BBX: variants seen among roughly 807,000 people sequenced by gnomAD.
BBX encodes BBX high mobility group box domain containing, also known as HMG box transcription factor BBX.
BBX carries 30 observed loss-of-function variants against 100.2 expected under a neutral mutation model. That is an observed-to-expected ratio of 0.30 (90% CI 0.22 to 0.41). The LOEUF (loss-of-function observed/expected upper bound fraction) is 0.41. BBX is among the 10% of genes least tolerant of loss of function. The pLI, the probability that BBX is intolerant of heterozygous loss-of-function variation, is 1.00. For missense variants in BBX, 1,023 were observed against 1,129.8 expected (o/e 0.91, Z 1.35); for synonymous variants, 376 against 388.1 (o/e 0.97, Z 0.37).
At chr3:107,798,850 AC>A (rs1055374816) in intron 16 of BBX, 130 bp downstream of exon 16, 16 of 1,007,536 alleles carry the variant, frequency 1.6e-5, no homozygotes, top group African/African-American at 6.6e-5. Flanking sequence ...AAAAAAAAAA[AC>A]AAAAACAAAA....
chr3:107,666,405 C>A (rs950462486), intron 3 of BBX, among the ~76,000 whole-genome samples: 1 of 152,054 alleles, frequency 6.6e-6, no homozygotes, highest in Non-Finnish European at 1.5e-5. Context: ...TTAAGTCTTG[C>A]AACTTTTAGC....
chr3:107,735,535 G>T (rs557731901), intron 7 of BBX, among the ~76,000 whole-genome samples: 7 of 152,050 alleles, frequency 4.6e-5, no homozygotes, highest in Admixed American at 6.5e-5. Flanking sequence ...GTTTTCTTTT[G>T]TTCACTGACT....
chr3:107,663,496 C>G (rs41379250), intron 3 of BBX, among the ~76,000 whole-genome samples: 2,223 of 152,250 alleles, frequency 0.015, 55 homozygotes, highest in African/African-American at 0.051. Context: ...CATTGCCTCT[C>G]TTTACCCCCT....
chr3:107,606,771 A>G (rs1559866606), intron 2 of BBX, among the ~76,000 whole-genome samples: 1 of 152,146 alleles, frequency 6.6e-6, no homozygotes, highest in Non-Finnish European at 1.5e-5. Flanking sequence ...CCATCACCTC[A>G]AGTCTTTATC....
At chr3:107,596,890 T>G (rs1458511798) in intron 2 of BBX, among the ~76,000 whole-genome samples, 6 of 152,220 alleles carry the variant, frequency 3.9e-5, no homozygotes, top group South Asian at 2.1e-4. Flanking sequence ...TTCTTTGGTT[T>G]GTTTGTTAGT....
intron 2 of BBX, among the ~76,000 whole-genome samples, chr3:107,545,541 G>C (rs1258249767): frequency 6.6e-6 from 1 of 152,208 alleles, no homozygotes; most frequent in Non-Finnish European, 1.5e-5. Flanking sequence ...GAATGTGCTT[G>C]TATGACTGCT....
Position 107,808,478 on chromosome 3 carries a change from C to T in BBX, c.*3021C>T, listed in dbSNP as rs910303060. On this transcript the variant is annotated 3_prime_UTR_variant, in exon 18 of 18. Transcript: ENST00000325805. ...TAGAAGATTGCGTCTCAGATGGAGA[C>T]GCAGTACTGTTCCAGTTTTCTTTAG... 2 of 152,192 alleles carry T rather than the reference C, an allele frequency of 1.3e-5. No individual in the cohort carries two copies. Among genetic ancestry groups the T allele is most frequent in the African/African-American group, 2.4e-5 (1 of 41,448 alleles). 9.4% of individuals were successfully genotyped at this position (152,192 alleles called of 1,614,324 possible).
At chr3:107,751,279 T>C (rs2065058375) in intron 9 of BBX, among the ~76,000 whole-genome samples, 1 of 152,152 alleles carries the variant, frequency 6.6e-6, no homozygotes, top group African/African-American at 2.4e-5. Context: ...GAAGTGGGTG[T>C]TTATGTAATC....
chr3:107,693,928 G>A (rs2060376742), intron 3 of BBX, among the ~76,000 whole-genome samples: 1 of 151,088 alleles, frequency 6.6e-6, no homozygotes, highest in Admixed American at 6.6e-5. Flanking sequence ...CTTGTAAGTT[G>A]GATTGCTAGG....
At chr3:107,776,163 A>T (rs1444421892) in intron 12 of BBX, 1 of 152,100 alleles carries the variant, frequency 6.6e-6, no homozygotes, top group Non-Finnish European at 1.5e-5. Context: ...CTGAGAGAGG[A>T]GCAGGTGTTA....
intron 2 of BBX, among the ~76,000 whole-genome samples, chr3:107,590,604 T>C (rs2053235132): frequency 6.6e-6 from 1 of 152,232 alleles, no homozygotes; most frequent in Non-Finnish European, 1.5e-5. Flanking sequence ...GTGAGAACTA[T>C]ACACATCTAT....
intron 10 of BBX, among the ~76,000 whole-genome samples, chr3:107,768,655 T>C (rs1456824815): frequency 2.0e-5 from 3 of 151,926 alleles, no homozygotes; most frequent in Non-Finnish European, 4.4e-5. Context: ...AAATACAGAA[T>C]AGAAGAGATC....
Position 107,599,917 on chromosome 3 carries a change from A to G in BBX, c.-83-45919A>G, listed in dbSNP as rs1481915234. 1.8e-3 allele frequency among the ~76,000 whole-genome samples: 6 copies of G among 3,292 alleles called. No homozygotes were observed. In the East Asian group the frequency reaches 0.035, roughly 19 times the overall value. 2.2% of individuals were successfully genotyped at this position (3,292 alleles called of 152,430 possible). Reference sequence around the variant, plus strand: ...CTCATTATTTATGAACCACATGACAAAGATTAATGAGAGACTCCAAGTAGC... The same window carrying G: ...CTCATTATTTATGAACCACATGACAGAGATTAATGAGAGACTCCAAGTAGC... On this transcript the variant is annotated intron_variant, in intron 2 of 17. Transcript: ENST00000325805.
intron 2 of BBX, among the ~76,000 whole-genome samples, chr3:107,547,213 G>T (rs955478858): frequency 1.3e-5 from 2 of 152,060 alleles, no homozygotes; most frequent in African/African-American, 4.8e-5. Context: ...CGGGATGATG[G>T]CATAAATTGT....
chr3:107,716,033 T>G (rs2062079481), intron 4 of BBX, among the ~76,000 whole-genome samples: 1 of 152,344 alleles, frequency 6.6e-6, no homozygotes, highest in South Asian at 2.1e-4. Flanking sequence ...ACTCTACTTG[T>G]GATGCTTGCA....
chr3:107,778,613 T>C, intron 13 of BBX, 94 bp downstream of exon 13: 1 of 1,384,906 alleles, frequency 7.2e-7, no homozygotes, highest in Non-Finnish European at 9.9e-7. Context: ...ATCATTGGAT[T>C]TGGAATTGAG....
intron 3 of BBX, among the ~76,000 whole-genome samples, chr3:107,652,786 A>T (rs2057916413): frequency 6.6e-6 from 1 of 152,168 alleles, no homozygotes; most frequent in South Asian, 2.1e-4. Context: ...CATTTCTCCT[A>T]GGATCTTCAT....
At chr3:107,527,260 TG>T (rs1430778141) in intron 2 of BBX, among the ~76,000 whole-genome samples, 1 of 152,154 alleles carries the variant, frequency 6.6e-6, no homozygotes, top group African/African-American at 2.4e-5. Flanking sequence ...CTTGAGTTGT[TG>T]ATGTTTGGAA....
intron 3 of BBX, among the ~76,000 whole-genome samples, chr3:107,678,763 C>G (rs1402837550): frequency 6.6e-6 from 1 of 151,972 alleles, no homozygotes; most frequent in Non-Finnish European, 1.5e-5. Context: ...TAGTTTATTT[C>G]AAGTTGACTT....
Sources: gnomAD v4.1 joint callset for allele counts (sites outside exome capture counted in the v4.1 genomes callset) on GRCh38, gnomAD v4.1.1 for gene constraint, MANE v1.5 for transcripts, NCBI Gene and HGNC (gene_info 2026-07-23, HGNC 2026-07-21) for gene names.